Variants in NPAS3 observed in about 807,000 individuals in gnomAD.
NPAS3 encodes neuronal PAS domain protein 3, also known as neuronal PAS domain-containing protein 3.
NPAS3 carries 14 observed loss-of-function variants against 73.1 expected under a neutral mutation model. That is an observed-to-expected ratio of 0.19 (90% CI 0.13 to 0.30). The LOEUF is 0.30. NPAS3 is among the 10% of genes least tolerant of loss of function. NPAS3 has a pLI of 1.00. For synonymous variants in NPAS3, 620 were observed against 541.5 expected, an observed-to-expected ratio of 1.14 and a Z score of -2.01; for missense variants, 1,096 against 1,250.0, an observed-to-expected ratio of 0.88 and a Z score of 1.86.
At chr14:33,109,847 C>T (rs977891519) in intron 2 of NPAS3, among the ~76,000 whole-genome samples, 2 of 119,112 alleles carry the variant, frequency 1.7e-5, no homozygotes, top group Non-Finnish European at 3.3e-5. Flanking sequence ...GACAAGGTCT[C>T]TCTCTGGCTC....
At chr14:33,149,690 A>G (rs2044375065) in intron 2 of NPAS3, among the ~76,000 whole-genome samples, 1 of 152,220 alleles carries the variant, frequency 6.6e-6, no homozygotes, top group African/African-American at 2.4e-5. Context: ...AGTAATGTAG[A>G]AAGCCTTTAG....
At chr14:33,203,474 C>A (rs1305692443) in intron 2 of NPAS3, among the ~76,000 whole-genome samples, 1 of 152,034 alleles carries the variant, frequency 6.6e-6, no homozygotes, top group Non-Finnish European at 1.5e-5. Flanking sequence ...CTCCCCACTC[C>A]CCACACCCCA....
intron 5 of NPAS3, among the ~76,000 whole-genome samples, chr14:33,643,374 T>TA (rs1268140320): frequency 0.016 from 280 of 17,762 alleles, no homozygotes; most frequent in Non-Finnish European, 0.023. Flanking sequence ...GAAATAAAAA[T>TA]TAAAAAAAAA....
chr14:33,138,744 A>G (rs2043933507), intron 2 of NPAS3, among the ~76,000 whole-genome samples: 1 of 152,226 alleles, frequency 6.6e-6, no homozygotes, highest in African/African-American at 2.4e-5. Context: ...TGCTGGAATG[A>G]ATGTGTGAAA....
intron 3 of NPAS3, among the ~76,000 whole-genome samples, chr14:33,330,481 TAATA>T (rs1435804586): frequency 2.0e-5 from 3 of 152,170 alleles, no homozygotes; most frequent in Non-Finnish European, 4.4e-5. Context: ...GCCAGGCACA[TAATA>T]AACACTTGGG....
At chr14:33,533,235 A>G (rs2054117106) in intron 4 of NPAS3, among the ~76,000 whole-genome samples, 1 of 152,186 alleles carries the variant, frequency 6.6e-6, no homozygotes, top group Non-Finnish European at 1.5e-5. Flanking sequence ...TTGCAGACTT[A>G]CAGAAAATAT....
chr14:33,628,517 G>A (rs2058285232), intron 5 of NPAS3, among the ~76,000 whole-genome samples: 1 of 152,222 alleles, frequency 6.6e-6, no homozygotes, highest in Non-Finnish European at 1.5e-5. Context: ...GTTTGAAAGA[G>A]CATTTAGTTC....
intron 1 of NPAS3, among the ~76,000 whole-genome samples, chr14:33,005,052 A>G (rs1372795996): frequency 1.3e-5 from 2 of 151,888 alleles, no homozygotes; most frequent in Non-Finnish European, 2.9e-5. Context: ...AGGCTGTTTT[A>G]TAGTTAACTT....
intron 5 of NPAS3, among the ~76,000 whole-genome samples, chr14:33,606,400 A>G (rs1444022843): frequency 1.3e-5 from 2 of 152,036 alleles, no homozygotes; most frequent in African/African-American, 2.4e-5. Flanking sequence ...AAAGGACATG[A>G]ACTCATCATT....
chr14:33,258,026 C>G (rs546174943), intron 3 of NPAS3, among the ~76,000 whole-genome samples: 2 of 152,088 alleles, frequency 1.3e-5, no homozygotes, highest in African/African-American at 4.8e-5. Flanking sequence ...CTGACACTTC[C>G]GGAGAGTAGC....
intron 6 of NPAS3, among the ~76,000 whole-genome samples, chr14:33,679,008 T>TATCAATCATTTTTAAAGGTACC (rs2059854156): frequency 1.3e-5 from 2 of 151,984 alleles, no homozygotes; most frequent in African/African-American, 2.4e-5. Context: ...TTAAAGGTAC[T>TATCAATCATTTTTAAAGGTACC]CTATCAATCA....
At chr14:33,662,662 C>T (rs199556932) in intron 5 of NPAS3, among the ~76,000 whole-genome samples, 8 of 152,042 alleles carry the variant, frequency 5.3e-5, no homozygotes, top group African/African-American at 7.2e-5. Flanking sequence ...AGAGGTCTTT[C>T]GCGTCCCTTG....
intron 2 of NPAS3, among the ~76,000 whole-genome samples, chr14:33,172,891 G>A (rs1427072648): frequency 6.6e-6 from 1 of 152,106 alleles, no homozygotes; most frequent in Admixed American, 6.6e-5. Context: ...TAGGTTACAT[G>A]TGATTACTAA....
chr14:33,186,826 A>C (rs1307816949), intron 2 of NPAS3, among the ~76,000 whole-genome samples: 1 of 152,036 alleles, frequency 6.6e-6, no homozygotes, highest in African/African-American at 2.4e-5. Flanking sequence ...CCAGCTAGGG[A>C]TGGTTTTGTC....
downstream of NPAS3, chr14:33,803,130 G>T (rs1198006464): frequency 6.6e-6 from 1 of 152,130 alleles, no homozygotes; most frequent in Non-Finnish European, 1.5e-5. Flanking sequence ...AGTCCCTTGT[G>T]CTCTACCTAT....
At chr14:33,665,745 T>C (rs905993312) in intron 5 of NPAS3, among the ~76,000 whole-genome samples, 1 of 152,120 alleles carries the variant, frequency 6.6e-6, no homozygotes, top group Non-Finnish European at 1.5e-5. Flanking sequence ...TTCTTCCGAA[T>C]TAAACCTCAG....
At chr14:33,246,405 G>A (rs2048376628) in intron 3 of NPAS3, among the ~76,000 whole-genome samples, 1 of 151,930 alleles carries the variant, frequency 6.6e-6, no homozygotes. Context: ...CGGGCATGGT[G>A]GCGGGCACGT....
intron 9 of NPAS3, among the ~76,000 whole-genome samples, chr14:33,789,583 C>CTTGTTTT (rs2063285994): frequency 1.1e-5 from 1 of 92,400 alleles, no homozygotes; most frequent in Non-Finnish European, 2.0e-5. Context: ...TAGAGTACAA[C>CTTGTTTT]TTTTTTTTTT....
At chr14:33,578,741 G>C (rs554860926) in intron 5 of NPAS3, among the ~76,000 whole-genome samples, 23 of 152,282 alleles carry the variant, frequency 1.5e-4, no homozygotes, top group African/African-American at 5.1e-4. Flanking sequence ...AATCAACCAA[G>C]AGGAGGCATG....
Sources: allele counts gnomAD v4.1 joint callset (sites outside exome capture counted in the v4.1 genomes callset), GRCh38; gene constraint gnomAD v4.1.1; transcripts MANE v1.5; gene names NCBI Gene and HGNC (gene_info 2026-07-23, HGNC 2026-07-21).